The following ADCK1 variants were observed in gnomAD, a reference collection of about 807,000 sequenced individuals.
The protein encoded by ADCK1 is aarF domain-containing protein kinase 1.
A neutral mutation model predicts 52.3 loss-of-function variants in ADCK1; 41 were observed. The ratio of observed to expected loss-of-function variants is 0.78; its 90% CI spans 0.61 to 1.02. The LOEUF is 1.02. ADCK1 is among the 50% of genes least tolerant of loss of function. The pLI is 0.00. For synonymous variants in ADCK1, 250 were observed against 274.6 expected (o/e 0.91, Z 0.89); for missense variants, 658 against 679.5 (o/e 0.97, Z 0.35).
intron 7 of ADCK1, among the ~76,000 whole-genome samples, chr14:77,910,758 G>A (rs1316800351): frequency 3.3e-5 from 5 of 152,226 alleles, no homozygotes; most frequent in African/African-American, 1.2e-4. Flanking sequence ...GCTGAGTGCT[G>A]TGCCTGGCCG....
chr14:77,805,934 CTA>C lies in ADCK1; in HGVS notation c.-12+5766_-12+5767del, dbSNP rs148364621. On this transcript the variant is annotated intron_variant, in intron 1 of 10. Transcript: ENST00000238561. ...CCTGAGCAGTAAGGGATTATAGAAA[CTA>C]TGCTACATTTTAGCAGAGTTCTGGT... Among the ~76,000 whole-genome samples the C allele has an allele frequency of 2.5e-4, 36 of 145,184 alleles. No individual in the cohort carries two copies. The East Asian group carries it at 6.6e-3, about 27-fold the overall frequency.
chr14:77,889,901 A>AC (rs1555356199), intron 5 of ADCK1, among the ~76,000 whole-genome samples: 3 of 148,904 alleles, frequency 2.0e-5, no homozygotes, highest in Non-Finnish European at 4.5e-5. Context: ...AAAAAAAAAA[A>AC]AAACAGAAGA....
chr14:77,891,689 C>T (rs755310977), intron 5 of ADCK1, among the ~76,000 whole-genome samples: 3 of 152,136 alleles, frequency 2.0e-5, no homozygotes, highest in African/African-American at 4.8e-5. Context: ...ACCTGAGACC[C>T]GCACTCATAC....
chr14:77,924,160 G>A (rs2084127412), intron 7 of ADCK1: 1 of 292,506 alleles, frequency 3.4e-6, no homozygotes, highest in African/African-American at 2.2e-5. Context: ...GGCGGGTGTG[G>A]GAGGTGGAGA....
At chr14:77,868,181 G>A (rs1475090642) in intron 4 of ADCK1, among the ~76,000 whole-genome samples, 1 of 152,196 alleles carries the variant, frequency 6.6e-6, no homozygotes, top group Non-Finnish European at 1.5e-5. Flanking sequence ...AAATCATTTA[G>A]TGCGACCCCC....
chr14:77,858,455 T>C (rs2082470256), intron 3 of ADCK1, among the ~76,000 whole-genome samples: 2 of 152,150 alleles, frequency 1.3e-5, no homozygotes, highest in African/African-American at 2.4e-5. Flanking sequence ...TTGGCCAGGC[T>C]GGTCTTGAAC....
intron 4 of ADCK1, among the ~76,000 whole-genome samples, chr14:77,882,665 C>G (rs1203514407): frequency 1.3e-5 from 2 of 152,214 alleles, no homozygotes. Context: ...AGCAAAACTC[C>G]TCAGGAGGCG....
intron 3 of ADCK1, among the ~76,000 whole-genome samples, chr14:77,833,570 T>A (rs995050644): frequency 6.6e-6 from 1 of 152,178 alleles, no homozygotes; most frequent in African/African-American, 2.4e-5. Context: ...GCACCTCCTT[T>A]TTAGCTTTCT....
chr14:77,889,400 T>C (rs911069459), intron 5 of ADCK1, among the ~76,000 whole-genome samples: 1 of 152,182 alleles, frequency 6.6e-6, no homozygotes, highest in African/African-American at 2.4e-5. Flanking sequence ...CAGGACACAG[T>C]TGACCTTGGA....
chr14:77,842,892 C>CT (rs113174346), intron 3 of ADCK1, among the ~76,000 whole-genome samples: 675 of 122,666 alleles, frequency 5.5e-3, no homozygotes, highest in Admixed American at 6.6e-3. Flanking sequence ...TTCTTTCTTT[C>CT]TTTTTTTTTT....
At chr14:77,836,543 C>T (rs985373714) in intron 3 of ADCK1, among the ~76,000 whole-genome samples, 6 of 152,154 alleles carry the variant, frequency 3.9e-5, no homozygotes, top group Non-Finnish European at 8.8e-5. Flanking sequence ...ATTGCCATAA[C>T]AAATTACCAC....
chr14:77,833,281 G>A (rs2081894957), intron 3 of ADCK1, among the ~76,000 whole-genome samples: 1 of 152,174 alleles, frequency 6.6e-6, no homozygotes, highest in Non-Finnish European at 1.5e-5. Context: ...TCCTTTGCAC[G>A]TGCAGCACCT....
chr14:77,914,943 C>T (rs947202485), intron 7 of ADCK1, among the ~76,000 whole-genome samples: 3 of 152,118 alleles, frequency 2.0e-5, no homozygotes, highest in Admixed American at 1.3e-4. Context: ...CCCCCTTACC[C>T]CCACTGTAAA....
At chr14:77,816,802 G>A (rs1486723518) in intron 1 of ADCK1, among the ~76,000 whole-genome samples, 1 of 150,414 alleles carries the variant, frequency 6.6e-6, no homozygotes, top group Non-Finnish European at 1.5e-5. Context: ...GATGTTGTGG[G>A]GGGAAGTGGG....
chr14:77,814,010 C>T (rs1289082869), intron 1 of ADCK1, among the ~76,000 whole-genome samples: 6 of 151,710 alleles, frequency 4.0e-5, no homozygotes, highest in Non-Finnish European at 5.9e-5. Context: ...TCAGGTGATC[C>T]GCCTGCCTCG....
intron 4 of ADCK1, among the ~76,000 whole-genome samples, chr14:77,867,854 G>T (rs181614459): frequency 1.1e-4 from 17 of 152,318 alleles, no homozygotes; most frequent in Non-Finnish European, 1.9e-4. Context: ...GTTTAAACAG[G>T]GATGATAAGA....
At chr14:77,913,647 G>C (rs1258092891) in intron 7 of ADCK1, among the ~76,000 whole-genome samples, 1 of 152,248 alleles carries the variant, frequency 6.6e-6, no homozygotes, top group Non-Finnish European at 1.5e-5. Context: ...CAGTGAGTCT[G>C]TGTTTAAGAT....
chr14:77,804,692 C>T (rs2081182164), intron 1 of ADCK1, among the ~76,000 whole-genome samples: 1 of 152,124 alleles, frequency 6.6e-6, no homozygotes, highest in Non-Finnish European at 1.5e-5. Flanking sequence ...TGCATTGTTC[C>T]TTGCTCTGCA....
chr14:77,816,131 C>G (rs982915971), intron 1 of ADCK1, among the ~76,000 whole-genome samples: 10 of 152,088 alleles, frequency 6.6e-5, no homozygotes, highest in African/African-American at 2.4e-4. Flanking sequence ...TTTGAAATGG[C>G]ATCCAGGCTA....
Sources: allele counts gnomAD v4.1 joint callset (sites outside exome capture counted in the v4.1 genomes callset), GRCh38; gene constraint gnomAD v4.1.1; transcripts MANE v1.5; gene names NCBI Gene and HGNC (gene_info 2026-07-23, HGNC 2026-07-21).